The following PHACTR1 variants were observed in gnomAD, a reference collection of about 807,000 sequenced individuals.
PHACTR1 encodes RPEL repeat containing 1.
A neutral mutation model predicts 69.2 loss-of-function variants in PHACTR1; 16 were observed. That is an observed-to-expected ratio of 0.23 (90% confidence interval 0.16 to 0.35). The LOEUF (loss-of-function observed/expected upper bound fraction) is 0.35, where lower values mean the gene tolerates loss of function less well. Ranked by LOEUF, PHACTR1 falls within the 10% of genes least tolerant of loss-of-function variation. The pLI is 1.00. For missense variants in PHACTR1, 510 were observed against 734.7 expected (o/e 0.69, Z 3.54); for synonymous variants, 312 against 284.5 (o/e 1.10, Z -0.97).
intron 4 of PHACTR1, among the ~76,000 whole-genome samples, chr6:12,845,154 A>C (rs1339938516): frequency 6.6e-6 from 1 of 152,206 alleles, no homozygotes; most frequent in Non-Finnish European, 1.5e-5. Context: ...GGTTTTTAAA[A>C]AATTTACAGC....
intron 4 of PHACTR1, among the ~76,000 whole-genome samples, chr6:12,855,877 T>A (rs1780301165): frequency 6.6e-6 from 1 of 152,228 alleles, no homozygotes; most frequent in South Asian, 2.1e-4. Flanking sequence ...TACCTGAGAA[T>A]AAAAACATTA....
chr6:12,849,887 A>G (rs1018315971), intron 4 of PHACTR1, among the ~76,000 whole-genome samples: 3 of 152,176 alleles, frequency 2.0e-5, no homozygotes, highest in Non-Finnish European at 2.9e-5. Context: ...TTACAGTAGG[A>G]GGTTTTAATT....
At chr6:13,101,387 C>G (rs1815134907) in intron 5 of PHACTR1, among the ~76,000 whole-genome samples, 2 of 152,154 alleles carry the variant, frequency 1.3e-5, no homozygotes, top group Non-Finnish European at 2.9e-5. Flanking sequence ...GATTAAGTTC[C>G]CAACACCTGA....
chr6:13,143,802 A>T (rs1822873053), intron 5 of PHACTR1, among the ~76,000 whole-genome samples: 1 of 152,072 alleles, frequency 6.6e-6, no homozygotes, highest in African/African-American at 2.4e-5. Flanking sequence ...AAACATAAAA[A>T]ATTTATATAA....
intron 5 of PHACTR1, among the ~76,000 whole-genome samples, chr6:13,075,795 T>C (rs1810367502): frequency 6.6e-6 from 1 of 152,182 alleles, no homozygotes; most frequent in Non-Finnish European, 1.5e-5. Context: ...CTTAACAGAA[T>C]GCTTTATAGC....
intron 8 of PHACTR1, among the ~76,000 whole-genome samples, chr6:13,210,207 G>T (rs1252249317): frequency 1.3e-5 from 2 of 152,074 alleles, no homozygotes; most frequent in Non-Finnish European, 1.5e-5. Context: ...TAGAGATGGG[G>T]TTTTGCCATG....
At chr6:12,812,271 C>T (rs143668229) in intron 4 of PHACTR1, among the ~76,000 whole-genome samples, 7 of 152,278 alleles carry the variant, frequency 4.6e-5, no homozygotes, top group East Asian at 3.9e-4. Flanking sequence ...TTGTGTCTGG[C>T]TTCTCTCACT....
At chr6:12,774,850 G>A (rs894085213) in intron 4 of PHACTR1, among the ~76,000 whole-genome samples, 3 of 152,206 alleles carry the variant, frequency 2.0e-5, no homozygotes, top group Non-Finnish European at 4.4e-5. Flanking sequence ...GCGGGCCTTG[G>A]TGCCAGATCC....
intron 4 of PHACTR1, among the ~76,000 whole-genome samples, chr6:13,035,632 G>A (rs767337919): frequency 1.3e-5 from 2 of 152,028 alleles, no homozygotes; most frequent in East Asian, 1.9e-4. Flanking sequence ...CCATGTCCAC[G>A]AACTGTGTTC....
At chr6:13,274,266 C>G (rs1019985774) in intron 11 of PHACTR1, 1 of 152,224 alleles carries the variant, frequency 6.6e-6, no homozygotes, top group African/African-American at 2.4e-5. Flanking sequence ...GGGAACCCTA[C>G]GCTTTGCCTA....
chr6:12,753,943 A>AATATATATAT (rs775836853), intron 4 of PHACTR1, among the ~76,000 whole-genome samples: 16 of 86,274 alleles, frequency 1.9e-4, no homozygotes, highest in Non-Finnish European at 2.9e-4. Flanking sequence ...GCAAGTTGTA[A>AATATATATAT]ATATATATAT....
At chr6:12,723,868 G>T (rs1462034423) in intron 3 of PHACTR1, among the ~76,000 whole-genome samples, 1 of 152,112 alleles carries the variant, frequency 6.6e-6, no homozygotes, top group Non-Finnish European at 1.5e-5. Context: ...CTTTTAAACT[G>T]CCCCCACGAG....
At chr6:12,827,779 T>C (rs1776965327) in intron 4 of PHACTR1, among the ~76,000 whole-genome samples, 1 of 152,170 alleles carries the variant, frequency 6.6e-6, no homozygotes, top group African/African-American at 2.4e-5. Flanking sequence ...ACTAATGATA[T>C]AAAGAAAGCA....
intron 5 of PHACTR1, among the ~76,000 whole-genome samples, chr6:13,074,780 G>A (rs1473693533): frequency 6.6e-6 from 1 of 152,184 alleles, no homozygotes; most frequent in Non-Finnish European, 1.5e-5. Context: ...TTTCTACACA[G>A]TGGAGTACCA....
intron 4 of PHACTR1, among the ~76,000 whole-genome samples, chr6:12,997,002 C>G (rs1055962645): frequency 2.6e-5 from 4 of 151,874 alleles, no homozygotes; most frequent in Non-Finnish European, 4.4e-5. Flanking sequence ...CTCATCTCTA[C>G]CAAAAGCACA....
chr6:12,915,629 C>T (rs1273317510), intron 4 of PHACTR1, among the ~76,000 whole-genome samples: 1 of 151,676 alleles, frequency 6.6e-6, no homozygotes, highest in African/African-American at 2.4e-5. Flanking sequence ...TTTACTATCA[C>T]AGAGCAGGTA....
chr6:12,883,782 TCTC>T (rs1783349920), intron 4 of PHACTR1, among the ~76,000 whole-genome samples: 1 of 152,132 alleles, frequency 6.6e-6, no homozygotes, highest in Non-Finnish European at 1.5e-5. Flanking sequence ...TTCTTTATCT[TCTC>T]CTACTCTTTT....
rs1252094010 is a variant in PHACTR1 at position 13,092,089 on chromosome 6, C to T, written c.415+38560C>T. ...TTGGGATTACAGGCATGAGCCACCG[C>T]ACCCAGCTGGTTCGAACTTCTATGA... is the stretch of plus-strand genomic sequence containing the variant. On this transcript the variant is annotated intron_variant, in intron 5 of 14. Transcript: ENST00000332995. Among the ~76,000 whole-genome samples, 10 of 152,320 alleles carry T rather than the reference C, an allele frequency of 6.6e-5. No homozygotes were observed. In the East Asian group the frequency reaches 9.7e-4, roughly 15 times the overall value.
At chr6:12,898,636 A>T (rs1456564752) in intron 4 of PHACTR1, among the ~76,000 whole-genome samples, 1 of 152,142 alleles carries the variant, frequency 6.6e-6, no homozygotes, top group Non-Finnish European at 1.5e-5. Flanking sequence ...TCGCACTGGG[A>T]CCACCTTGGC....
Sources: gnomAD v4.1 joint callset for allele counts (sites outside exome capture counted in the v4.1 genomes callset) on GRCh38, gnomAD v4.1.1 for gene constraint, MANE v1.5 for transcripts, NCBI Gene and HGNC (gene_info 2026-07-23, HGNC 2026-07-21) for gene names.